The following NLRC5 variants were observed in gnomAD, a reference collection of about 807,000 sequenced individuals.
NLRC5 encodes NLR family CARD domain containing 5, also known as protein NLRC5.
A neutral mutation model predicts 206.9 loss-of-function variants in NLRC5; 114 were observed. That is an observed-to-expected ratio of 0.55 (90% CI 0.47 to 0.64). The LOEUF (loss-of-function observed/expected upper bound fraction) is 0.64. Among genes scored for constraint, NLRC5 ranks in the 30% least tolerant of loss-of-function variants. The probability of loss-of-function intolerance (pLI) is 0.00; values close to 1 mark genes in which losing one functional copy is unlikely to be tolerated. For synonymous variants in NLRC5, 952 were observed against 962.8 expected, an observed-to-expected ratio of 0.99 and a Z score of 0.21; for missense variants, 2,008 against 2,305.5, an observed-to-expected ratio of 0.87 and a Z score of 2.64.
At chr16:57,072,126 C>T (rs1567641394) in intron 38 of NLRC5, among the ~76,000 whole-genome samples, 1 of 152,112 alleles carries the variant, frequency 6.6e-6, no homozygotes, top group Non-Finnish European at 1.5e-5. Flanking sequence ...TCCAGGGGTT[C>T]TATATTTGTC....
intron 39 of NLRC5, chr16:57,076,167 A>G (rs1425806432): frequency 1.3e-5 from 2 of 154,988 alleles, no homozygotes; most frequent in Non-Finnish European, 2.9e-5. Context: ...CCACCTGCCT[A>G]GACTCCGAAA....
At chr16:57,012,173 C>T (rs1291846853) in intron 1 of NLRC5, among the ~76,000 whole-genome samples, 1 of 152,156 alleles carries the variant, frequency 6.6e-6, no homozygotes, top group African/African-American at 2.4e-5. Context: ...GATCTTTTTT[C>T]ACATGGCATA....
At position 57,002,427 on chromosome 16, in the gene NLRC5, C is replaced by T. The variant is rs183453494; in HGVS notation, c.-128+12810C>T. On this transcript the variant is annotated intron_variant, in intron 1 of 48. Transcript: ENST00000688547. ...CCTCCCACAGTGCTGGAATTACAGG[C>T]GTGAGCTGCCGTGCCCAGCTGCCAC... Among the ~76,000 whole-genome samples the T allele has an allele frequency of 2.3e-3, 346 of 152,224 alleles. 1 individual carries two copies. Among genetic ancestry groups the T allele is most frequent in the African/African-American group, 7.9e-3 (330 of 41,540 alleles).
At position 57,066,533 on chromosome 16, in the gene NLRC5, G is replaced by C. The variant is rs766486777; in HGVS notation, c.4242-1G>C. On this transcript the variant is annotated splice_acceptor_variant, in intron 33 of 48. Coordinates refer to ENST00000688547, the MANE Select transcript of NLRC5 (RefSeq NM_001384950.1). LOFTEE classifies it high-confidence loss of function. ...CACGTTGGTTACTGCTCACTCCTCA[G>C]CATCTCCGAGACCCAGCAGCAGCTC... is the stretch of plus-strand genomic sequence containing the variant. 6.2e-7 allele frequency: 1 copy of C among 1,613,914 alleles called. No homozygotes were observed. The highest frequency in any genetic ancestry group is 8.5e-7 in the Non-Finnish European group (1 of 1,179,958).
chr16:57,067,416 A>C lies in NLRC5; in HGVS notation c.4352A>C (p.His1451Pro). 6.2e-7 allele frequency: 1 copy of C among 1,614,226 alleles called. No individual in the cohort carries two copies. The highest frequency in any genetic ancestry group is 8.5e-7 in the Non-Finnish European group (1 of 1,180,036). The change falls in exon 35 of 49, where the codon CAC becomes CCC. Residue 1451 changes from histidine to proline, a missense_variant. Transcript: ENST00000688547. ...RLAHCDLGAH[H>P]SLLVGQLMET... ...GCTCACTGTGACCTTGGAGCCCACC[A>C]CAGCCTTCTTGTCGGGCAGCTGATG...
chr16:57,044,483 T>C (rs1421645519), intron 20 of NLRC5, among the ~76,000 whole-genome samples: 1 of 151,968 alleles, frequency 6.6e-6, no homozygotes, highest in African/African-American at 2.4e-5. Flanking sequence ...TGCTTCCCTT[T>C]CCCTTCCCTA....
At position 57,040,681 on chromosome 16, in the gene NLRC5, A is replaced by G. The variant is rs140863064; in HGVS notation, c.2902A>G (p.Met968Val). The G allele has an allele frequency of 1.2e-6, 2 of 1,614,112 alleles. No homozygotes were observed. Among genetic ancestry groups the G allele is most frequent in the South Asian group, 1.1e-5 (1 of 91,074 alleles). ...AAFLDSLMLQMPSELPLSSRR... is the reference protein window; with the variant it reads ...AAFLDSLMLQVPSELPLSSRR... ...ATTTCTTGACAGCCTCATGCTCCAG[A>G]TGCCCTCTGAGCTGCCTCTGAGCTC... The change falls in exon 17 of 49, where the codon ATG becomes GTG. Residue 968 changes from methionine (M) to valine (V), a missense_variant. Transcript: ENST00000688547.
intron 3 of NLRC5, 36 bp downstream of exon 3, chr16:57,021,043 C>T (rs1254724840): frequency 3.1e-6 from 5 of 1,596,322 alleles, no homozygotes; most frequent in Non-Finnish European, 3.4e-6. Flanking sequence ...AGCAGCCGGG[C>T]CAGTACCTGC....
intron 34 of NLRC5, 44 bp downstream of exon 34, chr16:57,066,658 G>A (rs1475958392): frequency 6.5e-7 from 1 of 1,549,358 alleles, no homozygotes; most frequent in Admixed American, 1.7e-5. Flanking sequence ...GCTGGTGTTG[G>A]GGAGGGGGCA....
At chr16:57,071,397 G>A (rs2067736332) in intron 38 of NLRC5, among the ~76,000 whole-genome samples, 1 of 144,032 alleles carries the variant, frequency 6.9e-6, no homozygotes, top group South Asian at 2.4e-4. Flanking sequence ...GGTGGTTAAT[G>A]GGGAAGTGTT....
Position 57,067,829 on chromosome 16 carries a change from G to A in NLRC5, c.4499+1G>A, listed in dbSNP as rs747408019. The A allele has an allele frequency of 1.2e-6, 2 of 1,612,010 alleles. No individual in the cohort carries two copies. Among genetic ancestry groups the A allele is most frequent in the African/African-American group, 1.3e-5 (1 of 74,890 alleles). On this transcript the variant is annotated splice_donor_variant, in intron 36 of 48. Coordinates refer to ENST00000688547, the MANE Select transcript of NLRC5 (RefSeq NM_001384950.1). LOFTEE classifies it high-confidence loss of function. ...CCCTCTCTGAGCTGAAGACATTTCG[G>A]TATGTAGACAAGACATTCACTCAGT... is the stretch of plus-strand genomic sequence containing the variant.
At chr16:57,024,215 T>A (rs772729000) in intron 5 of NLRC5, among the ~76,000 whole-genome samples, 1 of 151,662 alleles carries the variant, frequency 6.6e-6, no homozygotes, top group Non-Finnish European at 1.5e-5. Flanking sequence ...TGAGCAGGGA[T>A]GGGGAGGGGT....
Position 57,031,302 on chromosome 16 carries a change from T to C in NLRC5, c.2418-102T>C, listed in dbSNP as rs529408241. The C allele has an allele frequency of 1.5e-4, 190 of 1,266,350 alleles. 1 individual carries two copies. In the Middle Eastern group the frequency reaches 4.9e-3, roughly 32 times the overall value. 78.4% of individuals were successfully genotyped at this position (1,266,350 alleles called of 1,614,324 possible). ...CCTGTCAATTGCAAAATCAGCTTTA[T>C]CTGGATGTTTGAACATTTGGGGCAG... On this transcript the variant is annotated intron_variant, in intron 10 of 48. Transcript: ENST00000688547.
chr16:57,046,412 T>C, intron 21 of NLRC5, 140 bp from the exon 22 acceptor site: 1 of 650,174 alleles, frequency 1.5e-6, no homozygotes, highest in Non-Finnish European at 2.7e-6. Context: ...CTTCCAGCCC[T>C]GACTTTCCAA....
chr16:57,026,960 C>G lies in NLRC5; in HGVS notation c.2017C>G (p.Pro673Ala). The G allele has an allele frequency of 6.2e-7, 1 of 1,614,148 alleles. No individual in the cohort carries two copies. The highest frequency in any genetic ancestry group is 8.5e-7 in the Non-Finnish European group (1 of 1,180,016). The part of the protein sequence containing the change: ...APIHLDFDGC[P>A]LEPHCPEALV... The stretch of plus-strand genomic sequence containing the variant: ...CATCCACCTGGATTTTGATGGCTGT[C>G]CCCTGGAGCCCCACTGCCCTGAGGC... The change falls in exon 6 of 49, where the codon CCC (proline) becomes GCC (alanine). Residue 673 changes from proline (P) to alanine (A), a missense_variant. By Grantham distance (27) the Pro-to-Ala change is conservative. Transcript: ENST00000688547.
chr16:57,047,958 T>A lies in NLRC5; in HGVS notation c.3422+330T>A, dbSNP rs540274048. ...ACCAGGGCACCCACTTGAACCTGCCTGCATGGCTGGAGCGTAGCACTTCTG... is the reference window on the plus strand; with the variant it reads ...ACCAGGGCACCCACTTGAACCTGCCAGCATGGCTGGAGCGTAGCACTTCTG... On this transcript the variant is annotated intron_variant, in intron 23 of 48. Transcript: ENST00000688547. 8 of 349,358 alleles carry A rather than the reference T, an allele frequency of 2.3e-5. No individual in the cohort carries two copies. The East Asian group carries it at 3.6e-4, about 16-fold the overall frequency. 21.6% of individuals were successfully genotyped at this position (349,358 alleles called of 1,614,324 possible).
chr16:57,073,790 C>G (rs2068049807), intron 38 of NLRC5, among the ~76,000 whole-genome samples: 1 of 152,304 alleles, frequency 6.6e-6, no homozygotes, highest in Admixed American at 6.5e-5. Flanking sequence ...GATGGGGTTT[C>G]ACTTTGTTGG....
intron 43 of NLRC5, 39 bp from the exon 44 acceptor site, chr16:57,079,011 A>AT: frequency 6.3e-7 from 1 of 1,575,890 alleles, no homozygotes; most frequent in South Asian, 1.1e-5. Flanking sequence ...TGGAAACGCC[A>AT]GTCCCTCAGG....
intron 1 of NLRC5, 78 bp from the exon 2 acceptor site, chr16:57,016,996 A>T (rs1444975970): frequency 1.3e-5 from 2 of 152,978 alleles, no homozygotes; most frequent in Admixed American, 6.5e-5. Context: ...GGCAGGGGCA[A>T]GGGCTGGTGC....
Sources: gnomAD v4.1 joint callset for allele counts (sites outside exome capture counted in the v4.1 genomes callset) on GRCh38, gnomAD v4.1.1 for gene constraint, MANE v1.5 for transcripts, NCBI Gene and HGNC (gene_info 2026-07-23, HGNC 2026-07-21) for gene names.